SHLD2: variants seen among roughly 807,000 people sequenced by gnomAD.
SHLD2 encodes RINN1-REV7-interacting novel NHEJ regulator 2.
Under a neutral mutation model 73.2 loss-of-function variants are expected in SHLD2, and 30 were observed. The observed-to-expected ratio is 0.41, with a 90% CI of 0.31 to 0.56. The LOEUF (loss-of-function observed/expected upper bound fraction) is 0.56, where lower values mean the gene tolerates loss of function less well. SHLD2 is among the 20% of genes least tolerant of loss of function. The probability of loss-of-function intolerance (pLI) is 0.28; values close to 1 mark genes in which losing one functional copy is unlikely to be tolerated. For missense variants in SHLD2, 745 were observed against 1,055.9 expected, an observed-to-expected ratio of 0.71 and a Z score of 4.08; for synonymous variants, 285 against 370.1, an observed-to-expected ratio of 0.77 and a Z score of 2.64.
chr10:87,105,250 G>A (rs1160147200), intron 2 of SHLD2, among the ~76,000 whole-genome samples: 1 of 152,072 alleles, frequency 6.6e-6, no homozygotes, highest in Non-Finnish European at 1.5e-5. Context: ...TAAAAATTGG[G>A]GCACATCTAT....
At chr10:87,175,246 C>T (rs1847879053) in intron 6 of SHLD2, among the ~76,000 whole-genome samples, 1 of 151,958 alleles carries the variant, frequency 6.6e-6, no homozygotes, top group Non-Finnish European at 1.5e-5. Flanking sequence ...GACTTGGGTT[C>T]ATTTCAGTGT....
Position 87,152,913 on chromosome 10 carries a change from T to C in SHLD2, c.1525+34T>C, listed in dbSNP as rs766869879. 5 of 1,564,370 alleles carry C rather than the reference T, an allele frequency of 3.2e-6. No individual in the cohort carries two copies. The South Asian group carries it at 5.9e-5, about 18-fold the overall frequency. ...ATTATGGTATAGTGGTAGCTTATTT[T>C]ATAAAGCTAAGTTTTGTTTGTTTTT... On this transcript the variant is annotated intron_variant, in intron 3 of 9. Transcript: ENST00000298786.
intron 2 of SHLD2, among the ~76,000 whole-genome samples, chr10:87,129,504 T>C (rs1475304721): frequency 6.6e-6 from 1 of 152,254 alleles, no homozygotes; most frequent in Non-Finnish European, 1.5e-5. Flanking sequence ...CCCCATTGCA[T>C]AGATGCTGAA....
At chr10:87,118,680 A>G (rs535899908) in intron 2 of SHLD2, among the ~76,000 whole-genome samples, 4,206 of 148,844 alleles carry the variant, frequency 0.028, 224 homozygotes, top group African/African-American at 0.1. Context: ...GCCAGTCTCA[A>G]ACTCCTGAGT....
chr10:87,163,427 A>T (rs9420458), intron 4 of SHLD2, among the ~76,000 whole-genome samples: 3 of 152,210 alleles, frequency 2.0e-5, no homozygotes, highest in Admixed American at 6.5e-5. Flanking sequence ...AATGAATGTA[A>T]TATTGTTACA....
At position 87,190,481 on chromosome 10, in the gene SHLD2, C is replaced by T; in HGVS notation, c.2516-3C>T. 1 of 1,611,578 alleles carries T rather than the reference C, an allele frequency of 6.2e-7. No homozygotes were observed. Among genetic ancestry groups the T allele is most frequent in the South Asian group, 1.1e-5 (1 of 90,980 alleles). On this transcript the variant is annotated splice_region_variant and splice_polypyrimidine_tract_variant and intron_variant, in intron 9 of 9. Transcript: ENST00000298786. The stretch of plus-strand genomic sequence containing the variant: ...GGGAGCTCTGTGTTTTTGTCTTTTG[C>T]AGTTCCTTCCTCAGAGATCACCTAT...
intron 2 of SHLD2, among the ~76,000 whole-genome samples, chr10:87,126,445 TG>T (rs1487703526): frequency 6.6e-6 from 1 of 152,178 alleles, no homozygotes; most frequent in Non-Finnish European, 1.5e-5. Flanking sequence ...TTTTTGATTT[TG>T]TTTTTTTGGC....
chr10:87,094,678 C>A (rs1384107398), upstream of SHLD2: 1 of 1,515,550 alleles, frequency 6.6e-7, no homozygotes, highest in Non-Finnish European at 8.8e-7. The surrounding 1 kb of genome is among the most constrained non-coding windows in gnomAD (Gnocchi z 6.6). Flanking sequence ...CCGGGCCCAG[C>A]CCAGCAACGC....
rs538988421 is a variant in SHLD2 at position 87,106,399 on chromosome 10, T to A, written c.-6+9410T>A. 1.5e-3 allele frequency among the ~76,000 whole-genome samples: 213 copies of A among 144,152 alleles called. 1 individual carries two copies. Among genetic ancestry groups the A allele is most frequent in the Non-Finnish European group, 2.3e-3 (154 of 66,464 alleles). The allele number at this position is 144,152 out of a possible 152,430, so 94.6% of individuals were successfully genotyped here. ...CTGCTGTCTTACTGTGATAATATAT[T>A]TTTTTAACGCAATTTACAAAAGGGG... On this transcript the variant is annotated intron_variant, in intron 2 of 9. Coordinates refer to ENST00000298786, the MANE Select transcript of SHLD2 (RefSeq NM_001330112.2).
intron 6 of SHLD2, among the ~76,000 whole-genome samples, chr10:87,171,981 T>TA (rs1437743958): frequency 6.6e-6 from 1 of 152,210 alleles, no homozygotes; most frequent in Non-Finnish European, 1.5e-5. Flanking sequence ...AGTGGAGCCG[T>TA]AACAAAGCAG....
chr10:87,177,615 A>G (rs1848027108), intron 7 of SHLD2, among the ~76,000 whole-genome samples: 1 of 152,230 alleles, frequency 6.6e-6, no homozygotes, highest in Admixed American at 6.5e-5. Flanking sequence ...GGGAGAGAAT[A>G]TGAAAACACA....
intron 2 of SHLD2, among the ~76,000 whole-genome samples, chr10:87,104,898 ATCCGCCTGCC>A: frequency 6.6e-6 from 1 of 152,038 alleles, no homozygotes; most frequent in South Asian, 2.1e-4. Flanking sequence ...TGACCTTGTG[ATCCGCCTGCC>A]TCCGCCTCCC....
At chr10:87,154,990 A>C (rs1368256258) in intron 3 of SHLD2, among the ~76,000 whole-genome samples, 2 of 152,126 alleles carry the variant, frequency 1.3e-5, no homozygotes, top group African/African-American at 4.8e-5. Context: ...GCTGGAGTGC[A>C]GGGGCGCGAT....
intron 7 of SHLD2, among the ~76,000 whole-genome samples, chr10:87,179,858 T>C (rs1848196246): frequency 6.6e-6 from 1 of 152,196 alleles, no homozygotes; most frequent in Non-Finnish European, 1.5e-5. Flanking sequence ...AAACATCACA[T>C]GTTCAGCCAA....
At chr10:87,143,228 T>C (rs1325943946) in intron 2 of SHLD2, among the ~76,000 whole-genome samples, 2 of 152,136 alleles carry the variant, frequency 1.3e-5, no homozygotes, top group African/African-American at 4.8e-5. Context: ...CTTGAGCCAC[T>C]ATGCGTGGCC....
chr10:87,126,299 C>T (rs919156655), intron 2 of SHLD2, among the ~76,000 whole-genome samples: 7 of 152,074 alleles, frequency 4.6e-5, no homozygotes, highest in East Asian at 1.9e-4. Flanking sequence ...AGGCTGGTTT[C>T]GAACTCCTAG....
intron 2 of SHLD2, among the ~76,000 whole-genome samples, chr10:87,145,289 A>G (rs1845526375): frequency 6.6e-6 from 1 of 152,172 alleles, no homozygotes; most frequent in South Asian, 2.1e-4. Flanking sequence ...ATGAACTATG[A>G]TAGCAAATTG....
At chr10:87,162,168 G>C (rs1252834235) in intron 4 of SHLD2, among the ~76,000 whole-genome samples, 1 of 152,172 alleles carries the variant, frequency 6.6e-6, no homozygotes, top group African/African-American at 2.4e-5. Flanking sequence ...CAACAAGAAA[G>C]AAACCTGAAT....
intron 2 of SHLD2, among the ~76,000 whole-genome samples, chr10:87,108,452 G>T (rs183508111): frequency 2.0e-5 from 3 of 152,312 alleles, no homozygotes; most frequent in African/African-American, 7.2e-5. Flanking sequence ...CTACCAAAGT[G>T]CTGGGATTAC....
Sources: gnomAD v4.1 joint callset for allele counts (sites outside exome capture counted in the v4.1 genomes callset) on GRCh38, gnomAD v4.1.1 for gene constraint, Gnocchi (gnomAD v3.1) non-coding constraint, MANE v1.5 for transcripts, NCBI Gene and HGNC (gene_info 2026-07-23, HGNC 2026-07-21) for gene names.